Variants in USP34 observed in about 807,000 individuals in gnomAD.
The protein encoded by USP34 is ubiquitin specific peptidase 34, also known as ubiquitin carboxyl-terminal hydrolase 34.
USP34 carries 70 observed loss-of-function variants against 460.3 expected under a neutral mutation model. The ratio of observed to expected loss-of-function variants is 0.15; its 90% CI spans 0.13 to 0.19. The LOEUF is 0.19. Ranked by LOEUF, USP34 falls within the 10% of genes least tolerant of loss-of-function variation. The pLI, the probability that USP34 is intolerant of heterozygous loss-of-function variation, is 1.00. For missense variants in USP34, 3,985 were observed against 4,236.2 expected, an observed-to-expected ratio of 0.94 and a Z score of 1.65; for synonymous variants, 1,647 against 1,405.3, an observed-to-expected ratio of 1.17 and a Z score of -3.85.
rs767619622 is a variant in USP34, at chr2:61,280,213, C to T, written c.5256+31G>A. 6 of 1,241,010 alleles carry T rather than the reference C, an allele frequency of 4.8e-6. No homozygotes were observed. In the South Asian group the frequency reaches 5.8e-5, roughly 12 times the overall value. 76.9% of individuals were successfully genotyped at this position (1,241,010 alleles called of 1,614,324 possible). On this transcript the variant is annotated intron_variant, in intron 39 of 79. Transcript: ENST00000398571. ...AATTCATATTAACAAGAAGAGAATACATAGAATAGTATATAATTTTCTGAA... is the reference window on the plus strand; with the variant it reads ...AATTCATATTAACAAGAAGAGAATATATAGAATAGTATATAATTTTCTGAA...
chr2:61,245,410 GTTC>G (rs1688393218), intron 50 of USP34, 122 bp from the exon 51 acceptor site: 3 of 502,908 alleles, frequency 6.0e-6, no homozygotes, highest in African/African-American at 4.0e-5. Context: ...TAAATTCTAA[GTTC>G]TTATTTTTAC....
intron 1 of USP34, among the ~76,000 whole-genome samples, chr2:61,459,131 T>G (rs1296233810): frequency 6.6e-6 from 1 of 152,140 alleles, no homozygotes; most frequent in Non-Finnish European, 1.5e-5. Context: ...CACAGTTCCT[T>G]TAATGGTTTC....
At chr2:61,348,630 G>A in intron 14 of USP34, 126 bp downstream of exon 14, 4 of 1,439,240 alleles carry the variant, frequency 2.8e-6, no homozygotes, top group Non-Finnish European at 2.8e-6. Context: ...CTCAAAGGAT[G>A]TCAAAAATAT....
At chr2:61,333,800 T>C (rs1415139858) in intron 19 of USP34, 82 bp downstream of exon 19, 3 of 960,422 alleles carry the variant, frequency 3.1e-6, no homozygotes, top group Admixed American at 3.5e-5. Context: ...GAGTAAAAGC[T>C]TGTAGGTTAG....
chr2:61,241,929 T>C, intron 51 of USP34, 110 bp from the exon 52 acceptor site: 1 of 607,504 alleles, frequency 1.6e-6, no homozygotes. Flanking sequence ...AGTAACTTTG[T>C]AAGTAGTTTT....
intron 30 of USP34, among the ~76,000 whole-genome samples, chr2:61,296,158 T>C (rs780515631): frequency 5.3e-5 from 8 of 151,928 alleles, no homozygotes; most frequent in Non-Finnish European, 1.2e-4. Flanking sequence ...CTGGGGAAGG[T>C]TGGGGGAGGA....
intron 27 of USP34, among the ~76,000 whole-genome samples, chr2:61,307,143 G>C (rs1471991273): frequency 6.6e-6 from 1 of 152,112 alleles, no homozygotes; most frequent in East Asian, 1.9e-4. Flanking sequence ...CCATAAAAAA[G>C]GATGAGTCCA....
chr2:61,409,365 C>G (rs574295842), intron 2 of USP34, among the ~76,000 whole-genome samples: 7 of 152,176 alleles, frequency 4.6e-5, no homozygotes, highest in South Asian at 2.1e-4. Context: ...AGAAAACGAA[C>G]TTGAAGTCAG....
rs1687110140 is a variant in USP34, at chr2:61,206,080, C to T, written c.9091G>A (p.Ala3031Thr). 1 of 1,613,684 alleles carries T rather than the reference C, an allele frequency of 6.2e-7. No individual in the cohort carries two copies. The highest frequency in any genetic ancestry group is 1.3e-5 in the African/African-American group (1 of 74,896). Residue 3031 changes from alanine (A) to threonine (T), a missense_variant, in exon 72 of 80, where the codon GCC becomes ACC. Transcript: ENST00000398571. ...LIQWQERIEF[A>T]HKLLTLLNSY... Reference sequence around the variant, plus strand: ...TTAAGAAGAGTTAACAGTTTATGGGCAAATTCAATTCGCTCCTGCCACTGG... The same window carrying T: ...TTAAGAAGAGTTAACAGTTTATGGGTAAATTCAATTCGCTCCTGCCACTGG...
chr2:61,227,323 T>G lies in USP34; in HGVS notation c.7444-105A>C, dbSNP rs1202983110. 139 of 1,313,860 alleles carry G rather than the reference T, an allele frequency of 1.1e-4. No homozygotes were observed. In the East Asian group the frequency reaches 3.5e-3, roughly 33 times the overall value. The allele number at this position is 1,313,860 out of a possible 1,614,324, so 81.4% of individuals were successfully genotyped here. A position where few individuals can be genotyped will look rare whatever the true frequency, so the allele number is the denominator to read the frequency against. ...CAGTGTAGATGGTGGCAGGAGCTTG[T>G]AACATGAAAAACAACTGCACAAAGA... On this transcript the variant is annotated intron_variant, in intron 61 of 79. Coordinates refer to ENST00000398571, the MANE Select transcript of USP34 (RefSeq NM_014709.4).
chr2:61,435,234 G>A (rs977415700), intron 1 of USP34, among the ~76,000 whole-genome samples: 6 of 143,188 alleles, frequency 4.2e-5, no homozygotes, highest in Non-Finnish European at 9.0e-5. Context: ...AGTCCAGGAA[G>A]TCAAGGCTGC....
intron 10 of USP34, 114 bp from the exon 11 acceptor site, chr2:61,350,807 AAT>A (rs1691921999): frequency 1.9e-6 from 2 of 1,074,672 alleles, no homozygotes; most frequent in East Asian, 5.3e-5. Flanking sequence ...AATATTTTTT[AAT>A]ATGACGGTAA....
At chr2:61,338,812 A>G (rs1691504002) in intron 18 of USP34, among the ~76,000 whole-genome samples, 1 of 152,222 alleles carries the variant, frequency 6.6e-6, no homozygotes, top group African/African-American at 2.4e-5. Context: ...AAAAACCAAA[A>G]AACAAAAAAA....
chr2:61,278,148 A>C lies in USP34; in HGVS notation c.5433+17T>G, dbSNP rs1444750624. The C allele has an allele frequency of 6.2e-7, 1 of 1,608,072 alleles. No homozygotes were observed. The highest frequency in any genetic ancestry group is 1.1e-5 in the South Asian group (1 of 89,896). ...CAATCACATTTCATAGAAACATTTG[A>C]TTATCTTAACACTTACCTGTCCTTC... On this transcript the variant is annotated intron_variant, in intron 41 of 79. Transcript: ENST00000398571.
chr2:61,366,302 A>C (rs1692439282), intron 10 of USP34, among the ~76,000 whole-genome samples: 1 of 152,240 alleles, frequency 6.6e-6, no homozygotes, highest in Admixed American at 6.5e-5. Context: ...TAGAGGAGGT[A>C]GGTGAGATGA....
chr2:61,290,568 T>C (rs999581617), intron 33 of USP34, among the ~76,000 whole-genome samples: 3 of 152,100 alleles, frequency 2.0e-5, no homozygotes, highest in East Asian at 1.9e-4. Flanking sequence ...ATGGTACATA[T>C]TGCACTGATC....
In USP34 at chr2:61,266,039, C is replaced by T; in HGVS notation, c.5562G>A (p.Gly1854=). The part of the protein sequence containing the change: ...AYDLLVEMVK[G]SVENYRLIHN... ...GTATTAGCCTGTAGTTCTCAACAGA[C>T]CCCTTTACCATCTCTACTAACAAAT... The change falls in exon 42 of 80, where the codon GGG becomes GGA. Residue 1854 remains glycine, a synonymous_variant. Transcript: ENST00000398571. The T allele has an allele frequency of 6.2e-7, 1 of 1,613,832 alleles. No individual in the cohort carries two copies. The highest frequency in any genetic ancestry group is 8.5e-7 in the Non-Finnish European group (1 of 1,179,804).
chr2:61,465,412 A>G (rs949355682), intron 1 of USP34, among the ~76,000 whole-genome samples: 1 of 152,182 alleles, frequency 6.6e-6, no homozygotes, highest in African/African-American at 2.4e-5. Context: ...AACTGTTCAT[A>G]ATCTGTTACT....
Position 61,314,886 on chromosome 2 carries a change from T to A in USP34, c.3371A>T (p.Tyr1124Phe), listed in dbSNP as rs965534332. The A allele has an allele frequency of 3.7e-6, 6 of 1,610,646 alleles. No individual in the cohort carries two copies. The highest frequency in any genetic ancestry group is 1.3e-5 in the African/African-American group (1 of 74,756). Residue 1124 changes from tyrosine (Y) to phenylalanine (F), a missense_variant, in exon 24 of 80, where the codon TAT (tyrosine) becomes TTT (phenylalanine). Tyr to Phe is a conservative substitution (Grantham distance 22). This residue lies in a region of USP34 where 1,114 missense variants were observed against 1,122.5 expected (regional missense o/e 0.99). Transcript: ENST00000398571. ...SRAAIQYINS[Y>F]YINGKTGLEK... ...TTCAAATCACTTACCATTAATATAA[T>A]AGGAGTTAATATACTGGATAGCTGC...
Sources: allele counts gnomAD v4.1 joint callset (sites outside exome capture counted in the v4.1 genomes callset), GRCh38; gene constraint gnomAD v4.1.1; regional missense constraint gnomAD v4.1.1; transcripts MANE v1.5; gene names NCBI Gene and HGNC (gene_info 2026-07-23, HGNC 2026-07-21).